Variants in UGT1A4 observed in about 807,000 individuals in gnomAD.
UGT1A4 encodes UDP glucuronosyltransferase family 1 member A4.
A neutral mutation model predicts 41.1 loss-of-function variants in UGT1A4; 32 were observed. That is an observed-to-expected ratio of 0.78 (90% CI 0.59 to 1.05). UGT1A4 has a LOEUF of 1.05. Among genes scored for constraint, UGT1A4 ranks in the 50% least tolerant of loss-of-function variants. The pLI, the probability that UGT1A4 is intolerant of heterozygous loss-of-function variation, is 0.00. For missense variants in UGT1A4, 748 were observed against 677.4 expected (o/e 1.10, Z -1.16); for synonymous variants, 283 against 265.1 (o/e 1.07, Z -0.66).
intron 1 of UGT1A4, chr2:233,743,270 C>T (rs538069492): frequency 2.1e-6 from 1 of 467,964 alleles, no homozygotes; most frequent in East Asian, 7.0e-5. Context: ...TCCTCCACTT[C>T]CACCCTTTCT....
chr2:233,757,188 C>G (rs1300047445), intron 1 of UGT1A4, among the ~76,000 whole-genome samples: 1 of 150,488 alleles, frequency 6.6e-6, no homozygotes, highest in African/African-American at 2.5e-5. Flanking sequence ...GCAGAGGACT[C>G]TGAATTTTCT....
At chr2:233,725,353 T>G in intron 1 of UGT1A4, among the ~76,000 whole-genome samples, 1 of 141,520 alleles carries the variant, frequency 7.1e-6, no homozygotes, top group African/African-American at 2.6e-5. Flanking sequence ...TAAGAATGTT[T>G]CTTATGAAGA....
Position 233,730,884 on chromosome 2 carries a change from T to A in UGT1A4, c.867+11197T>A, listed in dbSNP as rs1262820640. Among the ~76,000 whole-genome samples, 3 of 152,194 alleles carry A rather than the reference T, an allele frequency of 2.0e-5. No individual in the cohort carries two copies. In the South Asian group the frequency reaches 6.2e-4, roughly 32 times the overall value. On this transcript the variant is annotated intron_variant, in intron 1 of 4. Coordinates refer to ENST00000373409, the MANE Select transcript of UGT1A4 (RefSeq NM_007120.3). ...CCTACTGCACTCCAGGTTTCTATAG[T>A]GGGATCTACTCCTTTACCAAAAATT...
intron 1 of UGT1A4, among the ~76,000 whole-genome samples, chr2:233,734,931 C>A (rs921627257): frequency 5.3e-5 from 8 of 152,162 alleles, no homozygotes; most frequent in African/African-American, 1.7e-4. Context: ...GCTTTACTTA[C>A]AATCATATGG....
At position 233,719,647 on chromosome 2, in the gene UGT1A4, T is replaced by C. The variant is rs201461954; in HGVS notation, c.827T>C (p.Ile276Thr). 6.3e-5 allele frequency: 101 copies of C among 1,614,092 alleles called. No homozygotes were observed. Among genetic ancestry groups the C allele is most frequent in the East Asian group, 2.9e-4 (13 of 44,880 alleles). Residue 276 changes from isoleucine (I) to threonine (T), a missense_variant, in exon 1 of 5, where the codon ATT becomes ACT. Coordinates refer to ENST00000373409, the MANE Select transcript of UGT1A4 (RefSeq NM_007120.3). Reference protein sequence around the residue: ...PRPIMPNMVFIGGINCANGKP... With the variant: ...PRPIMPNMVFTGGINCANGKP... ...CCGATCATGCCCAACATGGTCTTCATTGGGGGCATCAACTGTGCCAACGGG... is the reference window on the plus strand; with the variant it reads ...CCGATCATGCCCAACATGGTCTTCACTGGGGGCATCAACTGTGCCAACGGG...
chr2:233,736,619 C>G (rs1245621807), intron 1 of UGT1A4, among the ~76,000 whole-genome samples: 1 of 152,186 alleles, frequency 6.6e-6, no homozygotes, highest in Non-Finnish European at 1.5e-5. Flanking sequence ...GAATTTTCAG[C>G]TTTTCTGCTC....
intron 2 of UGT1A4, 41 bp downstream of exon 2, chr2:233,767,206 A>G: frequency 1.9e-6 from 3 of 1,613,184 alleles, no homozygotes; most frequent in Non-Finnish European, 2.5e-6. Context: ...CTATTTTCAC[A>G]GGAGCGCTAA....
chr2:233,760,564 G>C, intron 1 of UGT1A4: 1 of 1,614,242 alleles, frequency 6.2e-7, no homozygotes, highest in Non-Finnish European at 8.5e-7. Context: ...AGAGTCTTTT[G>C]TTAGTCTCGG....
chr2:233,744,980 G>A (rs1692979759), intron 1 of UGT1A4, among the ~76,000 whole-genome samples: 1 of 151,830 alleles, frequency 6.6e-6, no homozygotes, highest in Non-Finnish European at 1.5e-5. Context: ...TAAGCCTCTA[G>A]TCATCTCTTG....
At chr2:233,743,847 G>A (rs771949487) in intron 1 of UGT1A4, 44 of 1,367,104 alleles carry the variant, frequency 3.2e-5, no homozygotes, top group Non-Finnish European at 4.2e-5. Flanking sequence ...GCCAGCTTGC[G>A]GTACGCCTTC....
chr2:233,743,195 G>C, intron 1 of UGT1A4: 2 of 380,014 alleles, frequency 5.3e-6, no homozygotes, highest in South Asian at 3.9e-5. Flanking sequence ...GAATTACTTG[G>C]TGTCAATGCG....
At chr2:233,721,036 A>G (rs1265033546) in intron 1 of UGT1A4, among the ~76,000 whole-genome samples, 1 of 152,110 alleles carries the variant, frequency 6.6e-6, no homozygotes, top group African/African-American at 2.4e-5. Context: ...TTGTGAGAGA[A>G]TTGAGCCCTT....
At chr2:233,747,791 T>A in intron 1 of UGT1A4, 1 of 1,613,564 alleles carries the variant, frequency 6.2e-7, no homozygotes, top group Middle Eastern at 1.7e-4. Context: ...CTTCCTCCTA[T>A]ATTCCTAAGT....
Position 233,755,049 on chromosome 2 carries a change from T to TCCGC in UGT1A4, c.868-11982_868-11979dup, listed in dbSNP as rs1457280659. The TCCGC allele has an allele frequency of 3.8e-6, 5 of 1,330,832 alleles. No homozygotes were observed. In the South Asian group the frequency reaches 5.7e-5, roughly 15 times the overall value. The allele number at this position is 1,330,832 out of a possible 1,614,324, so 82.4% of individuals were successfully genotyped here. ...GGGCCTGCCGCCTGCGCAGCCGCCC[T>TCCGC]CCGCCCTCGCCTCGCCATAGCGGTC... On this transcript the variant is annotated intron_variant, in intron 1 of 4. Coordinates refer to ENST00000373409, the MANE Select transcript of UGT1A4 (RefSeq NM_007120.3).
chr2:233,730,094 A>T, intron 1 of UGT1A4: 1 of 1,593,062 alleles, frequency 6.3e-7, no homozygotes, highest in Non-Finnish European at 8.5e-7. Context: ...ATCTTTCCAA[A>T]TATTTCATTT....
At chr2:233,728,823 T>G (rs1575576976) in intron 1 of UGT1A4, among the ~76,000 whole-genome samples, 2 of 152,200 alleles carry the variant, frequency 1.3e-5, no homozygotes, top group East Asian at 1.9e-4. Context: ...ATGAAATGGG[T>G]GTTCACAGCC....
chr2:233,733,931 G>A (rs1209244784), intron 1 of UGT1A4, among the ~76,000 whole-genome samples: 1 of 151,624 alleles, frequency 6.6e-6, no homozygotes, highest in Non-Finnish European at 1.5e-5. Flanking sequence ...TGAGGAAGGG[G>A]AACATCACAT....
At chr2:233,761,619 G>A (rs34165552) in intron 1 of UGT1A4, among the ~76,000 whole-genome samples, 1 of 152,358 alleles carries the variant, frequency 6.6e-6, no homozygotes, top group Non-Finnish European at 1.5e-5. Context: ...ATTCTGATAA[G>A]AAGCTAAATC....
At chr2:233,750,064 T>C (rs1472554795) in intron 1 of UGT1A4, among the ~76,000 whole-genome samples, 1 of 151,832 alleles carries the variant, frequency 6.6e-6, no homozygotes, top group East Asian at 1.9e-4. Context: ...ACTTTGGAAC[T>C]GGGTAACAGG....
Sources: allele counts gnomAD v4.1 joint callset (sites outside exome capture counted in the v4.1 genomes callset), GRCh38; gene constraint gnomAD v4.1.1; transcripts MANE v1.5; gene names NCBI Gene and HGNC (gene_info 2026-07-23, HGNC 2026-07-21).